NRG3: variants seen among roughly 807,000 people sequenced by gnomAD.
The protein encoded by NRG3 is pro-neuregulin-3, membrane-bound isoform.
Under a neutral mutation model 66.9 loss-of-function variants are expected in NRG3, and 31 were observed. That is an observed-to-expected ratio of 0.46 (90% CI 0.35 to 0.63). The LOEUF is 0.63. Among genes scored for constraint, NRG3 ranks in the 20% least tolerant of loss-of-function variants. The pLI, the probability that NRG3 is intolerant of heterozygous loss-of-function variation, is 0.00. For synonymous variants in NRG3, 393 were observed against 359.4 expected, an observed-to-expected ratio of 1.09 and a Z score of -1.06; for missense variants, 910 against 878.9, an observed-to-expected ratio of 1.04 and a Z score of -0.45.
intron 2 of NRG3, among the ~76,000 whole-genome samples, chr10:82,440,026 T>C (rs908967515): frequency 3.3e-5 from 5 of 152,088 alleles, no homozygotes; most frequent in African/African-American, 1.2e-4. Context: ...AAAATAGGTA[T>C]AATCTCTTAT....
chr10:82,639,887 C>T (rs1377641642), intron 2 of NRG3, among the ~76,000 whole-genome samples: 1 of 151,964 alleles, frequency 6.6e-6, no homozygotes, highest in African/African-American at 2.4e-5. Context: ...AAGCCTATAC[C>T]CATTAATTGT....
chr10:82,623,570 C>T (rs952566806), intron 2 of NRG3, among the ~76,000 whole-genome samples: 16 of 152,254 alleles, frequency 1.1e-4, no homozygotes, highest in East Asian at 5.8e-4. Flanking sequence ...ACAAGATAGA[C>T]ATGGACCCAG....
intron 1 of NRG3, among the ~76,000 whole-genome samples, chr10:82,128,382 A>G (rs2068593293): frequency 6.6e-6 from 1 of 152,036 alleles, no homozygotes; most frequent in Admixed American, 6.6e-5. Flanking sequence ...ATGAATATGG[A>G]AGAGATACTT....
chr10:82,564,931 C>G lies in NRG3; in HGVS notation c.954-173646C>G, dbSNP rs1008759472. On this transcript the variant is annotated intron_variant, in intron 2 of 8. Coordinates refer to ENST00000372141, the MANE Select transcript of NRG3 (RefSeq NM_001010848.4). Reference sequence around the variant, plus strand: ...TTAATCTTGACAAAAGTATTGCAGGCCTCTTTGGTGCCAGATTCTGTATAA... The same window carrying G: ...TTAATCTTGACAAAAGTATTGCAGGGCTCTTTGGTGCCAGATTCTGTATAA... 1.9e-4 allele frequency among the ~76,000 whole-genome samples: 29 copies of G among 152,104 alleles called. 1 individual carries two copies. Among genetic ancestry groups the G allele is most frequent in the African/African-American group, 5.8e-4 (24 of 41,518 alleles).
intron 1 of NRG3, among the ~76,000 whole-genome samples, chr10:82,297,820 C>A (rs1006933412): frequency 1.3e-5 from 2 of 151,768 alleles, no homozygotes; most frequent in Admixed American, 6.6e-5. Flanking sequence ...TCAAGAAGTT[C>A]ATAGAATGAC....
chr10:81,930,273 G>C (rs924560328), intron 1 of NRG3, among the ~76,000 whole-genome samples: 1 of 152,144 alleles, frequency 6.6e-6, no homozygotes. Context: ...CAGCAAGATG[G>C]TCCTCGCTTC....
intron 1 of NRG3, chr10:81,889,741 GT>G (rs1416434817): frequency 1.3e-5 from 2 of 152,092 alleles, no homozygotes; most frequent in African/African-American, 2.4e-5. Context: ...AATATTTTTA[GT>G]TTATCTATTT....
At chr10:82,637,953 C>A (rs1395080491) in intron 2 of NRG3, among the ~76,000 whole-genome samples, 3 of 152,284 alleles carry the variant, frequency 2.0e-5, no homozygotes, top group South Asian at 4.1e-4. Flanking sequence ...GAGAAATACA[C>A]ACTAGAGTAC....
chr10:82,684,169 G>A (rs1428215460), intron 2 of NRG3, among the ~76,000 whole-genome samples: 2 of 152,198 alleles, frequency 1.3e-5, no homozygotes, highest in Non-Finnish European at 2.9e-5. Context: ...GGAGATTAAA[G>A]CAGGAGGATT....
intron 1 of NRG3, among the ~76,000 whole-genome samples, chr10:81,987,166 C>T (rs764370864): frequency 1.3e-5 from 2 of 152,070 alleles, no homozygotes; most frequent in African/African-American, 2.4e-5. Context: ...CGGCTCACAG[C>T]AACCTCTGCC....
chr10:82,310,557 A>G (rs186200777), intron 1 of NRG3, among the ~76,000 whole-genome samples: 10 of 152,276 alleles, frequency 6.6e-5, no homozygotes, highest in Non-Finnish European at 1.0e-4. Flanking sequence ...ATAATATCGT[A>G]TTTTCCAAAA....
chr10:82,790,002 C>T (rs1248712200), intron 3 of NRG3, among the ~76,000 whole-genome samples: 1 of 151,988 alleles, frequency 6.6e-6, no homozygotes, highest in Non-Finnish European at 1.5e-5. Context: ...TGGATAGTTC[C>T]ATTTTCTCCT....
At chr10:82,501,609 TA>T (rs1844197461) in intron 2 of NRG3, among the ~76,000 whole-genome samples, 1 of 152,258 alleles carries the variant, frequency 6.6e-6, no homozygotes, top group South Asian at 2.1e-4. Context: ...CCTCTTGCCT[TA>T]GCCCTTCTCA....
chr10:82,680,956 G>A (rs1278002763), intron 2 of NRG3, among the ~76,000 whole-genome samples: 4 of 152,362 alleles, frequency 2.6e-5, no homozygotes, highest in African/African-American at 7.2e-5. Context: ...GAGTTTAAAT[G>A]TGCTGCCACA....
chr10:82,450,517 T>C (rs1206361701), intron 2 of NRG3, among the ~76,000 whole-genome samples: 1 of 152,136 alleles, frequency 6.6e-6, no homozygotes, highest in Non-Finnish European at 1.5e-5. Context: ...TTTTTGATGT[T>C]GTGTTCTGAA....
chr10:82,325,274 T>G (rs905745349), intron 1 of NRG3, among the ~76,000 whole-genome samples: 22 of 152,086 alleles, frequency 1.4e-4, no homozygotes, highest in Middle Eastern at 3.4e-3. Context: ...CTCAATCTCC[T>G]GGGCTCAAGA....
chr10:82,556,530 T>TG (rs1464133644), intron 2 of NRG3, among the ~76,000 whole-genome samples: 3 of 152,188 alleles, frequency 2.0e-5, no homozygotes, highest in African/African-American at 7.2e-5. Context: ...TGCCGACCAA[T>TG]GGCATCTGCC....
chr10:82,304,472 A>T (rs1201614456), intron 1 of NRG3, among the ~76,000 whole-genome samples: 1 of 152,046 alleles, frequency 6.6e-6, no homozygotes, highest in East Asian at 1.9e-4. Flanking sequence ...TTCTTTTTCC[A>T]CTGAGCATTT....
At chr10:82,581,690 A>G (rs372860575) in intron 2 of NRG3, among the ~76,000 whole-genome samples, 1 of 152,062 alleles carries the variant, frequency 6.6e-6, no homozygotes, top group Non-Finnish European at 1.5e-5. Flanking sequence ...ATTTAATGCA[A>G]TAGTACAACA....
Sources: allele counts gnomAD v4.1 joint callset (sites outside exome capture counted in the v4.1 genomes callset), GRCh38; gene constraint gnomAD v4.1.1; transcripts MANE v1.5; gene names NCBI Gene and HGNC (gene_info 2026-07-23, HGNC 2026-07-21).